The following GPC6 variants were observed in gnomAD, a reference collection of about 807,000 sequenced individuals.
The protein encoded by GPC6 is glypican 6.
Under a neutral mutation model 55.2 loss-of-function variants are expected in GPC6, and 14 were observed. The ratio of observed to expected loss-of-function variants is 0.25; its 90% confidence interval spans 0.17 to 0.40. GPC6 has a LOEUF of 0.40. Ranked by LOEUF, GPC6 falls within the 10% of genes least tolerant of loss-of-function variation. The probability of loss-of-function intolerance (pLI) is 1.00; values close to 1 mark genes in which losing one functional copy is unlikely to be tolerated. For synonymous variants in GPC6, 278 were observed against 259.6 expected (o/e 1.07, Z -0.68); for missense variants, 641 against 708.5 (o/e 0.90, Z 1.08).
chr13:93,281,841 C>T (rs892841949), intron 1 of GPC6, among the ~76,000 whole-genome samples: 1 of 152,034 alleles, frequency 6.6e-6, no homozygotes, highest in Non-Finnish European at 1.5e-5. Flanking sequence ...AAAGAAAGAA[C>T]AGAACTCCAA....
At position 93,716,358 on chromosome 13, in the gene GPC6, C is replaced by T. The variant is rs556418213; in HGVS notation, c.320-113796C>T. 1.1e-4 allele frequency among the ~76,000 whole-genome samples: 17 copies of T among 151,680 alleles called. No individual in the cohort carries two copies. In the East Asian group the frequency reaches 3.3e-3, roughly 30 times the overall value. On this transcript the variant is annotated intron_variant, in intron 2 of 8. Transcript: ENST00000377047. ...TGTCATAGGAGAGGACCGCTTCATG[C>T]CAGCTTCAGGTCTTGTCCCTGAAGA...
rs111687858 is a variant in GPC6, at chr13:93,523,454, T to C, written c.161-21809T>C. ...GTATGACATTTTACACACACACACA[T>C]ACACACATATGACATTTTACACACA... is the stretch of plus-strand genomic sequence containing the variant. On this transcript the variant is annotated intron_variant, in intron 1 of 8. Transcript: ENST00000377047. Among the ~76,000 whole-genome samples the C allele has an allele frequency of 4.6e-4, 15 of 32,418 alleles. 1 individual carries two copies. The highest frequency in any genetic ancestry group is 1.6e-3 in the African/African-American group (13 of 8,368). 21.3% of individuals were successfully genotyped at this position (32,418 alleles called of 152,430 possible).
intron 4 of GPC6, among the ~76,000 whole-genome samples, chr13:94,226,725 A>C (rs1890571153): frequency 6.6e-6 from 1 of 152,148 alleles, no homozygotes; most frequent in Admixed American, 6.6e-5. Context: ...GAAGGAGATC[A>C]CTTCTCTCCT....
At chr13:94,134,459 C>T (rs577943149) in intron 4 of GPC6, among the ~76,000 whole-genome samples, 5 of 152,228 alleles carry the variant, frequency 3.3e-5, no homozygotes, top group African/African-American at 7.2e-5. Context: ...AGAATGTGTC[C>T]CCCTCATGCT....
chr13:93,683,027 C>G (rs1047426998), intron 2 of GPC6, among the ~76,000 whole-genome samples: 1 of 151,200 alleles, frequency 6.6e-6, no homozygotes, highest in Non-Finnish European at 1.5e-5. Context: ...GAAAAGAAAA[C>G]AAAAAGAAAA....
At chr13:93,556,687 A>G (rs185218724) in intron 2 of GPC6, among the ~76,000 whole-genome samples, 6 of 151,790 alleles carry the variant, frequency 4.0e-5, no homozygotes, top group Admixed American at 2.6e-4. Flanking sequence ...CCACCTCTCC[A>G]CCACTCACTC....
At chr13:93,239,769 G>T (rs768395295) in intron 1 of GPC6, among the ~76,000 whole-genome samples, 13 of 151,872 alleles carry the variant, frequency 8.6e-5, no homozygotes, top group Non-Finnish European at 1.9e-4. Context: ...GACATTTAGT[G>T]CTATAAGCTT....
intron 2 of GPC6, among the ~76,000 whole-genome samples, chr13:93,762,288 CT>C (rs2138878581): frequency 6.6e-6 from 1 of 152,270 alleles, no homozygotes; most frequent in East Asian, 1.9e-4. Context: ...TAGAAACAGT[CT>C]AATGCAGTTC....
chr13:93,218,480 A>G, the GPC6 span, among the ~76,000 whole-genome samples: 9 of 152,220 alleles, frequency 5.9e-5, no homozygotes, highest in African/African-American at 1.9e-4. Flanking sequence ...AGGTCTAAAA[A>G]TTATTAATAG....
chr13:94,129,635 T>G (rs192791382), intron 4 of GPC6, among the ~76,000 whole-genome samples: 1 of 152,230 alleles, frequency 6.6e-6, no homozygotes, highest in East Asian at 1.9e-4. Flanking sequence ...GTGGCTTCCT[T>G]TGGTAATGTC....
At chr13:93,391,719 GTTCT>G (rs1875639307) in intron 1 of GPC6, among the ~76,000 whole-genome samples, 1 of 152,040 alleles carries the variant, frequency 6.6e-6, no homozygotes, top group Non-Finnish European at 1.5e-5. Flanking sequence ...ATTTCTTGGG[GTTCT>G]TTTTCTTAGC....
intron 4 of GPC6, among the ~76,000 whole-genome samples, chr13:94,105,388 G>T (rs965551569): frequency 6.6e-6 from 1 of 152,004 alleles, no homozygotes; most frequent in Non-Finnish European, 1.5e-5. Flanking sequence ...GGATAGAATT[G>T]ATGTTCATTC....
At chr13:93,452,595 CT>C (rs1273136296) in intron 1 of GPC6, among the ~76,000 whole-genome samples, 1 of 152,206 alleles carries the variant, frequency 6.6e-6, no homozygotes, top group Non-Finnish European at 1.5e-5. Flanking sequence ...TACAACTTGT[CT>C]TTTTGTTTAT....
At chr13:93,706,962 C>G (rs139745711) in intron 2 of GPC6, among the ~76,000 whole-genome samples, 2 of 151,870 alleles carry the variant, frequency 1.3e-5, no homozygotes, top group African/African-American at 4.8e-5. Context: ...TGGGCCTTCT[C>G]TAGTGAACTG....
intron 1 of GPC6, among the ~76,000 whole-genome samples, chr13:93,335,369 G>T (rs969819810): frequency 6.6e-6 from 1 of 152,122 alleles, no homozygotes; most frequent in Non-Finnish European, 1.5e-5. Context: ...TTCATTCACG[G>T]TGTTTCATTT....
chr13:94,344,319 G>A (rs1379519291), intron 6 of GPC6, among the ~76,000 whole-genome samples: 2 of 152,178 alleles, frequency 1.3e-5, no homozygotes, highest in Admixed American at 6.5e-5. Context: ...GGGAGAATGT[G>A]AACATTCAGG....
intron 3 of GPC6, among the ~76,000 whole-genome samples, chr13:94,006,766 T>A (rs1333854988): frequency 1.3e-5 from 2 of 152,184 alleles, no homozygotes; most frequent in African/African-American, 2.4e-5. Context: ...TTTCCAGAGA[T>A]GAAATTGATC....
intron 1 of GPC6, among the ~76,000 whole-genome samples, chr13:93,359,359 C>G (rs373656996): frequency 2.0e-5 from 3 of 152,142 alleles, no homozygotes; most frequent in African/African-American, 7.2e-5. Context: ...AGCTCTGTTA[C>G]CTCAAGGAGG....
At chr13:93,827,696 G>T (rs1887315564) in intron 2 of GPC6, among the ~76,000 whole-genome samples, 1 of 152,118 alleles carries the variant, frequency 6.6e-6, no homozygotes. Flanking sequence ...ATGTAAGCTT[G>T]GAATCTAAGA....
Sources: allele counts gnomAD v4.1 joint callset (sites outside exome capture counted in the v4.1 genomes callset), GRCh38; gene constraint gnomAD v4.1.1; transcripts MANE v1.5; gene names NCBI Gene and HGNC (gene_info 2026-07-23, HGNC 2026-07-21).